KIF6: variants seen among roughly 807,000 people sequenced by gnomAD.
The protein encoded by KIF6 is kinesin family member 6.
In KIF6, 106 loss-of-function variants were observed where a neutral mutation model predicts 112.7. That is an observed-to-expected ratio of 0.94 (90% CI 0.80 to 1.11). The LOEUF (loss-of-function observed/expected upper bound fraction) is 1.11, where lower values mean the gene tolerates loss of function less well. KIF6 is among the 50% of genes least tolerant of loss of function. The pLI is 0.00. For missense variants in KIF6, 929 were observed against 964.0 expected, an observed-to-expected ratio of 0.96 and a Z score of 0.48; for synonymous variants, 339 against 339.9, an observed-to-expected ratio of 1.00 and a Z score of 0.03.
intron 5 of KIF6, among the ~76,000 whole-genome samples, chr6:39,628,522 GC>G (rs1379562933): frequency 6.6e-6 from 1 of 151,940 alleles, no homozygotes; most frequent in Non-Finnish European, 1.5e-5. Context: ...CCATTCCCCT[GC>G]CTTCCCTAAC....
At position 39,645,948 on chromosome 6, in the gene KIF6, C is replaced by T. The variant is rs193102095; in HGVS notation, c.252-6191G>A. ...GAACACTTGGACACAGGGTGGGGAA[C>T]ATCACACACCGGGGCCTGTTGTTGG... On this transcript the variant is annotated intron_variant, in intron 3 of 22. Transcript: ENST00000287152. 7.7e-3 allele frequency among the ~76,000 whole-genome samples: 1,130 copies of T among 147,184 alleles called. 7 individuals are homozygous for T. The highest frequency in any genetic ancestry group is 0.014 in the Middle Eastern group (4 of 286).
In KIF6 at chr6:39,580,731, T is replaced by A. The variant is rs572165449; in HGVS notation, c.1078-2572A>T. On this transcript the variant is annotated intron_variant, in intron 9 of 22. Transcript: ENST00000287152. ...ACCATCTCAGGCATATAAAATAGTA[T>A]AAAAGAATACCTTGTACCCACTACT... Among the ~76,000 whole-genome samples the A allele has an allele frequency of 3.3e-5, 5 of 152,278 alleles. No individual in the cohort carries two copies. The East Asian group carries it at 7.7e-4, about 23-fold the overall frequency.
At chr6:39,530,921 C>T (rs1232049621) in intron 13 of KIF6, among the ~76,000 whole-genome samples, 1 of 152,132 alleles carries the variant, frequency 6.6e-6, no homozygotes, top group East Asian at 1.9e-4. Context: ...AAAGCCTGAT[C>T]AGCTCCTAGA....
intron 16 of KIF6, among the ~76,000 whole-genome samples, chr6:39,376,965 C>T (rs2150297183): frequency 6.6e-6 from 1 of 152,362 alleles, no homozygotes; most frequent in Admixed American, 6.5e-5. Flanking sequence ...TGTCCTCACC[C>T]TTGCCTCGTG....
chr6:39,488,228 A>G (rs567956159), intron 13 of KIF6, among the ~76,000 whole-genome samples: 1 of 152,346 alleles, frequency 6.6e-6, no homozygotes, highest in South Asian at 2.1e-4. Flanking sequence ...AGGAGAAGTA[A>G]TGCTTAAAAT....
intron 5 of KIF6, chr6:39,617,884 T>A (rs1273197331): frequency 5.9e-6 from 2 of 338,244 alleles, no homozygotes; most frequent in Non-Finnish European, 1.2e-5. Flanking sequence ...CCAACACAAG[T>A]CACTTAAATA....
rs969666127 is a variant in KIF6 at position 39,378,031 on chromosome 6, T to A, written c.1861+7591A>T. On this transcript the variant is annotated intron_variant, in intron 16 of 22. Transcript: ENST00000287152. The surrounding 1 kb of genome is among the most constrained non-coding windows in gnomAD (Gnocchi z 5.0). ...TTAAGTTTAAGATATTTTCTTTTTT[T>A]AATTAATACTATCAGTATAACTATC... 9.2e-5 allele frequency among the ~76,000 whole-genome samples: 14 copies of A among 152,174 alleles called. No individual in the cohort carries two copies. The highest frequency in any genetic ancestry group is 1.5e-4 in the Non-Finnish European group (10 of 68,030).
chr6:39,549,646 C>G (rs188398385), intron 10 of KIF6, among the ~76,000 whole-genome samples: 5 of 151,990 alleles, frequency 3.3e-5, no homozygotes, highest in African/African-American at 1.2e-4. Flanking sequence ...AATAGGTGGA[C>G]GAAGAAGTGG....
chr6:39,332,306 T>G lies in KIF6; in HGVS notation c.*4226A>C, dbSNP rs1762774113. On this transcript the variant is annotated 3_prime_UTR_variant, in exon 23 of 23. Coordinates refer to ENST00000287152, the MANE Select transcript of KIF6 (RefSeq NM_145027.6). ...GCCCATATTTTCCTGCTTCTTTGCA[T>G]GCCTGATTATTTTTTAATGGACACC... 1 of 152,222 alleles carries G rather than the reference T, an allele frequency of 6.6e-6. No individual in the cohort carries two copies. The highest frequency in any genetic ancestry group is 2.1e-4 in the South Asian group (1 of 4,832). 9.4% of individuals were successfully genotyped at this position (152,222 alleles called of 1,614,324 possible).
At chr6:39,521,498 C>T (rs1215015166) in intron 13 of KIF6, among the ~76,000 whole-genome samples, 2 of 152,100 alleles carry the variant, frequency 1.3e-5, no homozygotes, top group Non-Finnish European at 2.9e-5. Flanking sequence ...AGTCAGTGCC[C>T]CCATCCCTAG....
chr6:39,429,197 G>T (rs572790597), intron 14 of KIF6, among the ~76,000 whole-genome samples: 1 of 152,308 alleles, frequency 6.6e-6, no homozygotes, highest in East Asian at 1.9e-4. Context: ...CCTCATTGCG[G>T]TTTGCTTTTC....
At chr6:39,598,378 A>C (rs2150690167) in intron 6 of KIF6, among the ~76,000 whole-genome samples, 1 of 152,298 alleles carries the variant, frequency 6.6e-6, no homozygotes, top group South Asian at 2.1e-4. Flanking sequence ...TAAAAAATAA[A>C]GTCTAACAAA....
chr6:39,434,331 A>C (rs1182595255), intron 13 of KIF6, among the ~76,000 whole-genome samples: 3 of 151,840 alleles, frequency 2.0e-5, no homozygotes, highest in Non-Finnish European at 4.4e-5. Context: ...TGGGAGGCTG[A>C]GGTGGGTGGA....
Position 39,420,012 on chromosome 6 carries a change from GA to G in KIF6, c.1755-10del, listed in dbSNP as rs758776193. The G allele has an allele frequency of 9.4e-6, 15 of 1,598,716 alleles. No homozygotes were observed. Among genetic ancestry groups the G allele is most frequent in the East Asian group, 2.2e-5 (1 of 44,760 alleles). On this transcript the variant is annotated splice_polypyrimidine_tract_variant and intron_variant, in intron 14 of 22. Transcript: ENST00000287152. Reference sequence around the variant, plus strand: ...CCTTGGCTTCAGAAAATCTGGAGGGGAAAAAAATGAAAATTGTAGTTTTTCT... The same window carrying G: ...CCTTGGCTTCAGAAAATCTGGAGGGGAAAAAATGAAAATTGTAGTTTTTCT...
At chr6:39,471,453 T>C (rs1002620615) in intron 13 of KIF6, among the ~76,000 whole-genome samples, 1 of 152,190 alleles carries the variant, frequency 6.6e-6, no homozygotes, top group African/African-American at 2.4e-5. Context: ...AGGACACTGG[T>C]CACAGGGCCA....
chr6:39,642,029 T>C (rs959446553), intron 3 of KIF6, among the ~76,000 whole-genome samples: 2 of 152,162 alleles, frequency 1.3e-5, no homozygotes, highest in African/African-American at 4.8e-5. Context: ...AAAATTTGTC[T>C]CCAGTCCCTT....
At chr6:39,693,327 C>T (rs1788335681) in intron 3 of KIF6, among the ~76,000 whole-genome samples, 1 of 152,212 alleles carries the variant, frequency 6.6e-6, no homozygotes, top group African/African-American at 2.4e-5. Flanking sequence ...AGATGCCTGG[C>T]TGCCTCCCAG....
chr6:39,636,533 C>T (rs1784631241), intron 4 of KIF6, among the ~76,000 whole-genome samples: 2 of 151,972 alleles, frequency 1.3e-5, no homozygotes, highest in Non-Finnish European at 2.9e-5. Flanking sequence ...TATAACTTGG[C>T]TTAGCACAGG....
chr6:39,660,513 A>C (rs942428397), intron 3 of KIF6, among the ~76,000 whole-genome samples: 5 of 151,332 alleles, frequency 3.3e-5, no homozygotes, highest in Non-Finnish European at 5.9e-5. Flanking sequence ...CTAAGTTCAG[A>C]TACATAAAAT....
Sources: gnomAD v4.1 joint callset for allele counts (sites outside exome capture counted in the v4.1 genomes callset) on GRCh38, gnomAD v4.1.1 for gene constraint, Gnocchi (gnomAD v3.1) non-coding constraint, MANE v1.5 for transcripts, NCBI Gene and HGNC (gene_info 2026-07-23, HGNC 2026-07-21) for gene names.